TMEM135: variants seen among roughly 807,000 people sequenced by gnomAD.
The protein encoded by TMEM135 is peroxisomal membrane protein 52.
TMEM135 carries 30 observed loss-of-function variants against 60.3 expected under a neutral mutation model. The ratio of observed to expected loss-of-function variants is 0.50; its 90% CI spans 0.37 to 0.68. The LOEUF (loss-of-function observed/expected upper bound fraction) is 0.68. Among genes scored for constraint, TMEM135 ranks in the 30% least tolerant of loss-of-function variants. The pLI, the probability that TMEM135 is intolerant of heterozygous loss-of-function variation, is 0.00. For missense variants in TMEM135, 468 were observed against 548.8 expected (o/e 0.85, Z 1.47); for synonymous variants, 190 against 186.7 (o/e 1.02, Z -0.14).
In TMEM135 at chr11:87,043,551, C is replaced by T. The variant is rs553025922; in HGVS notation, c.141+5365C>T. Among the ~76,000 whole-genome samples the T allele has an allele frequency of 8.6e-5, 13 of 151,778 alleles. No homozygotes were observed. The East Asian group carries it at 9.8e-4, about 11-fold the overall frequency. ...CCATCCTGGCCAACATGGTGAAACC[C>T]GTCTCTACTAAAAATACAAAAATTA... On this transcript the variant is annotated intron_variant, in intron 1 of 14. Coordinates refer to ENST00000305494, the MANE Select transcript of TMEM135 (RefSeq NM_022918.4).
At chr11:87,083,019 T>C (rs951827421) in intron 3 of TMEM135, among the ~76,000 whole-genome samples, 8 of 152,208 alleles carry the variant, frequency 5.3e-5, no homozygotes, top group African/African-American at 1.9e-4. Context: ...TCTGTAAATA[T>C]CTTCATCTAT....
In TMEM135 at chr11:87,146,462, A is replaced by C. The variant is rs141116699; in HGVS notation, c.397-10879A>C. Among the ~76,000 whole-genome samples, 148 of 152,264 alleles carry C rather than the reference A, an allele frequency of 9.7e-4. 1 individual carries two copies. The highest frequency in any genetic ancestry group is 3.3e-3 in the African/African-American group (138 of 41,538). ...TTGTTTTATTTTTATTTTTTAGAAA[A>C]TAAAACTGGCCTTAAGCGATCCTCC... On this transcript the variant is annotated intron_variant, in intron 4 of 14. Coordinates refer to ENST00000305494, the MANE Select transcript of TMEM135 (RefSeq NM_022918.4).
chr11:87,120,104 TTTC>T (rs1248214972), intron 4 of TMEM135, among the ~76,000 whole-genome samples: 35 of 87,332 alleles, frequency 4.0e-4, no homozygotes, highest in African/African-American at 9.7e-4. Flanking sequence ...AGTCTGTTTT[TTTC>T]TTCTTCTTCT....
At chr11:87,292,829 TC>T (rs1269701762) in intron 6 of TMEM135, among the ~76,000 whole-genome samples, 2 of 152,196 alleles carry the variant, frequency 1.3e-5, no homozygotes, top group South Asian at 2.1e-4. Flanking sequence ...GAACTGAACT[TC>T]CATCATAATG....
intron 1 of TMEM135, among the ~76,000 whole-genome samples, chr11:87,055,593 C>CTT (rs879320737): frequency 4.8e-5 from 7 of 144,358 alleles, no homozygotes; most frequent in Non-Finnish European, 9.2e-5. Context: ...AGTTAAGCAT[C>CTT]TTTTTTTTTT....
chr11:87,116,327 C>A (rs764276277), intron 4 of TMEM135, among the ~76,000 whole-genome samples: 7 of 152,116 alleles, frequency 4.6e-5, no homozygotes, highest in Non-Finnish European at 8.8e-5. Flanking sequence ...TGCTTTCCAA[C>A]ATATGGCTTC....
chr11:87,075,852 T>G (rs1856859752), intron 3 of TMEM135, among the ~76,000 whole-genome samples: 1 of 151,346 alleles, frequency 6.6e-6, no homozygotes, highest in Non-Finnish European at 1.5e-5. Context: ...GCAGAGATTC[T>G]TGTTCTTTTC....
At chr11:87,049,427 C>A (rs1478891110) in intron 1 of TMEM135, among the ~76,000 whole-genome samples, 8 of 89,466 alleles carry the variant, frequency 8.9e-5, no homozygotes, top group African/African-American at 4.6e-4. Flanking sequence ...ACCCATCTCA[C>A]ATGCAGAGAC....
intron 5 of TMEM135, among the ~76,000 whole-genome samples, chr11:87,217,603 T>C (rs187922192): frequency 5.8e-4 from 88 of 152,156 alleles, no homozygotes; most frequent in Non-Finnish European, 9.1e-4. Flanking sequence ...GTTACCAACA[T>C]AGAGAAACCC....
intron 3 of TMEM135, among the ~76,000 whole-genome samples, chr11:87,072,512 C>T (rs1305519884): frequency 6.6e-6 from 1 of 152,070 alleles, no homozygotes; most frequent in Non-Finnish European, 1.5e-5. Flanking sequence ...TCCCGAGTAG[C>T]TGGGATTACA....
rs200507224 is a variant in TMEM135 at position 87,038,194 on chromosome 11, C to G, written c.141+8C>G. On this transcript the variant is annotated splice_region_variant and intron_variant, in intron 1 of 14. Transcript: ENST00000305494. ...TATGCTCCTCTGTACTTGGTGAGAC[C>G]CGTCACCCGTCCCGCAGGGCGAGTT... 6.2e-7 allele frequency: 1 copy of G among 1,613,978 alleles called. No individual in the cohort carries two copies. The highest frequency in any genetic ancestry group is 8.5e-7 in the Non-Finnish European group (1 of 1,179,970).
At position 87,070,714 on chromosome 11, in the gene TMEM135, G is replaced by A. The variant is rs148763772; in HGVS notation, c.270-809G>A. On this transcript the variant is annotated intron_variant, in intron 2 of 14. Coordinates refer to ENST00000305494, the MANE Select transcript of TMEM135 (RefSeq NM_022918.4). Reference sequence around the variant, plus strand: ...TGGTCATTTGTCATTTGTCATTTATGAGGCACTGTGAGGATTCCTACTTTC... The same window carrying A: ...TGGTCATTTGTCATTTGTCATTTATAAGGCACTGTGAGGATTCCTACTTTC... 1.5e-3 allele frequency among the ~76,000 whole-genome samples: 234 copies of A among 152,166 alleles called. 1 individual carries two copies. The highest frequency in any genetic ancestry group is 4.4e-3 in the African/African-American group (184 of 41,474).
At chr11:87,045,257 C>G (rs1401821204) in intron 1 of TMEM135, among the ~76,000 whole-genome samples, 1 of 151,886 alleles carries the variant, frequency 6.6e-6, no homozygotes, top group Non-Finnish European at 1.5e-5. Context: ...GTCTCGATCT[C>G]CTGACCTTGT....
At chr11:87,112,701 A>G (rs1042233969) in intron 4 of TMEM135, among the ~76,000 whole-genome samples, 30 of 152,146 alleles carry the variant, frequency 2.0e-4, no homozygotes, top group African/African-American at 7.2e-4. Context: ...TTTTAAAACA[A>G]TACATTATAT....
At chr11:87,123,450 A>G (rs1937636942) in intron 4 of TMEM135, among the ~76,000 whole-genome samples, 1 of 152,128 alleles carries the variant, frequency 6.6e-6, no homozygotes, top group Non-Finnish European at 1.5e-5. Flanking sequence ...TCTTTCTCTT[A>G]TAAAGACACC....
chr11:87,099,328 T>A (rs1039444576), intron 4 of TMEM135, among the ~76,000 whole-genome samples: 4 of 152,290 alleles, frequency 2.6e-5, no homozygotes, highest in East Asian at 3.9e-4. Context: ...AAATTAAAAC[T>A]TTTATTTTGA....
intron 5 of TMEM135, among the ~76,000 whole-genome samples, chr11:87,228,731 T>C (rs753633403): frequency 5.9e-5 from 9 of 152,196 alleles, no homozygotes; most frequent in Non-Finnish European, 1.3e-4. Flanking sequence ...GGGAAATAGT[T>C]AAATGTACCA....
At chr11:87,057,439 C>G (rs935797919) in intron 1 of TMEM135, among the ~76,000 whole-genome samples, 1 of 152,066 alleles carries the variant, frequency 6.6e-6, no homozygotes, top group Admixed American at 6.6e-5. Context: ...TTTTAATAAG[C>G]TGATTCTTGT....
At chr11:87,210,532 TGACC>T (rs1465144231) in intron 5 of TMEM135, among the ~76,000 whole-genome samples, 3 of 152,218 alleles carry the variant, frequency 2.0e-5, no homozygotes, top group Admixed American at 6.5e-5. Flanking sequence ...AAAAGCTTAC[TGACC>T]AACAAAAGCC....
Sources: gnomAD v4.1 joint callset for allele counts (sites outside exome capture counted in the v4.1 genomes callset) on GRCh38, gnomAD v4.1.1 for gene constraint, MANE v1.5 for transcripts, NCBI Gene and HGNC (gene_info 2026-07-23, HGNC 2026-07-21) for gene names.